TNR: variants seen among roughly 807,000 people sequenced by gnomAD.
The protein encoded by TNR is tenascin R.
Under a neutral mutation model 150.4 loss-of-function variants are expected in TNR, and 45 were observed. That is an observed-to-expected ratio of 0.30 (90% CI 0.24 to 0.38). The LOEUF (loss-of-function observed/expected upper bound fraction) is 0.38, where lower values mean the gene tolerates loss of function less well. TNR is among the 10% of genes least tolerant of loss of function. The pLI is 1.00. For missense variants in TNR, 1,544 were observed against 1,759.1 expected, an observed-to-expected ratio of 0.88 and a Z score of 2.19; for synonymous variants, 687 against 678.4, an observed-to-expected ratio of 1.01 and a Z score of -0.20.
intron 1 of TNR, among the ~76,000 whole-genome samples, chr1:175,671,814 G>C (rs1357983520): frequency 6.6e-6 from 1 of 151,202 alleles, no homozygotes; most frequent in Non-Finnish European, 1.5e-5. Flanking sequence ...TTGCACTTGT[G>C]ATAGTAGTAG....
intron 2 of TNR, among the ~76,000 whole-genome samples, chr1:175,484,530 T>TTC (rs140146268): frequency 2.4e-4 from 36 of 150,134 alleles, no homozygotes; most frequent in East Asian, 3.9e-4. Context: ...CTCCTAGTCT[T>TTC]TCTCTCTCTC....
At chr1:175,331,064 T>TCTTC (rs1649805652) in intron 20 of TNR, among the ~76,000 whole-genome samples, 1 of 130,304 alleles carries the variant, frequency 7.7e-6, no homozygotes, top group African/African-American at 3.2e-5. Context: ...TTTCTTTCTT[T>TCTTC]CTTTCTTTCT....
chr1:175,351,973 C>T (rs1487750129), intron 18 of TNR, among the ~76,000 whole-genome samples: 2 of 152,170 alleles, frequency 1.3e-5, no homozygotes, highest in African/African-American at 2.4e-5. Flanking sequence ...AACCTAAATA[C>T]ATCCTGATAG....
chr1:175,649,333 C>A (rs1664887953), intron 1 of TNR, among the ~76,000 whole-genome samples: 1 of 152,214 alleles, frequency 6.6e-6, no homozygotes. Flanking sequence ...TCCTTCACCC[C>A]CTATTTAAAG....
At chr1:175,525,949 G>T (rs1043873918) in intron 2 of TNR, among the ~76,000 whole-genome samples, 4 of 151,872 alleles carry the variant, frequency 2.6e-5, no homozygotes, top group African/African-American at 9.7e-5. Context: ...AACTCGGTTT[G>T]TTTGCCTGTA....
chr1:175,584,548 C>A (rs1025964173), intron 1 of TNR, among the ~76,000 whole-genome samples: 1 of 152,110 alleles, frequency 6.6e-6, no homozygotes, highest in African/African-American at 2.4e-5. Flanking sequence ...ATATAGGTGG[C>A]CTGCAAGGTT....
chr1:175,519,019 C>T (rs575958664), intron 2 of TNR, among the ~76,000 whole-genome samples: 2 of 152,276 alleles, frequency 1.3e-5, no homozygotes, highest in South Asian at 2.1e-4. Context: ...TCTTTTCTTC[C>T]ACCAAATCAT....
intron 18 of TNR, among the ~76,000 whole-genome samples, chr1:175,350,552 T>G (rs1651007107): frequency 6.6e-6 from 1 of 152,224 alleles, no homozygotes; most frequent in Non-Finnish European, 1.5e-5. Flanking sequence ...TTCTCTTCCA[T>G]ACTACTTGTA....
chr1:175,590,996 C>A (rs1263206253), intron 1 of TNR, among the ~76,000 whole-genome samples: 1 of 152,192 alleles, frequency 6.6e-6, no homozygotes, highest in African/African-American at 2.4e-5. Context: ...CAGGGACAGA[C>A]TGAGAGGACA....
intron 1 of TNR, among the ~76,000 whole-genome samples, chr1:175,662,001 C>G (rs1192334901): frequency 6.6e-6 from 1 of 152,224 alleles, no homozygotes; most frequent in Middle Eastern, 3.4e-3. Context: ...GCCCCTGACA[C>G]TATCCAACCT....
chr1:175,418,543 A>G (rs859472), intron 2 of TNR, among the ~76,000 whole-genome samples: 75,892 of 151,982 alleles, frequency 0.5, 20,659 homozygotes, highest in African/African-American at 0.73. Flanking sequence ...CCAACATGGC[A>G]AAACCCCACC....
At chr1:175,639,410 C>T (rs1411994318) in intron 1 of TNR, among the ~76,000 whole-genome samples, 2 of 152,208 alleles carry the variant, frequency 1.3e-5, no homozygotes, top group African/African-American at 4.8e-5. Flanking sequence ...CCATAAATAC[C>T]CCTAAGGAAA....
chr1:175,587,270 G>A (rs187619668), intron 1 of TNR, among the ~76,000 whole-genome samples: 185 of 152,274 alleles, frequency 1.2e-3, no homozygotes, highest in Non-Finnish European at 2.2e-3. Flanking sequence ...TAATTGTTAC[G>A]TTAATTGAAT....
intron 1 of TNR, among the ~76,000 whole-genome samples, chr1:175,716,558 A>C (rs1667160191): frequency 6.6e-6 from 1 of 152,030 alleles, no homozygotes; most frequent in South Asian, 2.1e-4. Flanking sequence ...GATCCTGTTG[A>C]TGTTGTACCT....
At chr1:175,433,993 A>G (rs924361672) in intron 2 of TNR, among the ~76,000 whole-genome samples, 1 of 151,494 alleles carries the variant, frequency 6.6e-6, no homozygotes, top group African/African-American at 2.4e-5. Flanking sequence ...TTTTTGGTTT[A>G]CTCCTTTGCC....
chr1:175,616,333 C>A (rs1663774256), intron 1 of TNR, among the ~76,000 whole-genome samples: 1 of 152,192 alleles, frequency 6.6e-6, no homozygotes, highest in African/African-American at 2.4e-5. Context: ...GGCATTACAG[C>A]CCTCAGGAGA....
chr1:175,571,821 C>T (rs188853764), intron 1 of TNR, among the ~76,000 whole-genome samples: 3 of 152,252 alleles, frequency 2.0e-5, no homozygotes, highest in African/African-American at 7.2e-5. Flanking sequence ...TCTTCAGAGG[C>T]CAAGTTCCAA....
At position 175,657,273 on chromosome 1, in the gene TNR, C is replaced by G. The variant is rs138178885; in HGVS notation, c.-165+85953G>C. Among the ~76,000 whole-genome samples the G allele has an allele frequency of 3.3e-4, 50 of 152,274 alleles. 1 individual carries two copies. In the East Asian group the frequency reaches 8.3e-3, roughly 25 times the overall value. On this transcript the variant is annotated intron_variant, in intron 1 of 22. Coordinates refer to ENST00000367674, the MANE Select transcript of TNR (RefSeq NM_003285.3). ...ATCATTAAAAAGTCAGGGAACAACA[C>G]GTGCTGGCGAGGATGTGGAGAAATA...
At chr1:175,629,758 C>T (rs1036760866) in intron 1 of TNR, among the ~76,000 whole-genome samples, 3 of 152,136 alleles carry the variant, frequency 2.0e-5, no homozygotes, top group African/African-American at 7.2e-5. Context: ...AGGCAATTGC[C>T]AGATAATTGC....
Sources: gnomAD v4.1 joint callset for allele counts (sites outside exome capture counted in the v4.1 genomes callset) on GRCh38, gnomAD v4.1.1 for gene constraint, MANE v1.5 for transcripts, NCBI Gene and HGNC (gene_info 2026-07-23, HGNC 2026-07-21) for gene names.